KIF13A: variants seen among roughly 807,000 people sequenced by gnomAD.
KIF13A encodes the protein kinesin-like protein KIF13A.
In KIF13A, 79 loss-of-function variants were observed where a neutral mutation model predicts 212.2. The observed-to-expected ratio is 0.37, with a 90% CI of 0.31 to 0.45. The LOEUF (loss-of-function observed/expected upper bound fraction) is 0.45. Among genes scored for constraint, KIF13A ranks in the 20% least tolerant of loss-of-function variants. KIF13A has a pLI of 1.00. For synonymous variants in KIF13A, 789 were observed against 808.6 expected (o/e 0.98, Z 0.41); for missense variants, 1,901 against 2,209.0 (o/e 0.86, Z 2.79).
At chr6:17,970,565 T>C (rs182995543) in intron 2 of KIF13A, among the ~76,000 whole-genome samples, 22 of 152,316 alleles carry the variant, frequency 1.4e-4, no homozygotes, top group Non-Finnish European at 2.2e-4. Flanking sequence ...AATTACCAGG[T>C]AGTTTTCTTT....
Position 17,771,063 on chromosome 6 carries a change from G to C in KIF13A, c.4581+51C>G. 1.7e-6 allele frequency: 2 copies of C among 1,162,142 alleles called. No individual in the cohort carries two copies. The highest frequency in any genetic ancestry group is 2.5e-6 in the Non-Finnish European group (2 of 786,410). The allele number at this position is 1,162,142 out of a possible 1,614,324, so 72.0% of individuals were successfully genotyped here. A position where few individuals can be genotyped will look rare whatever the true frequency, so the allele number is the denominator to read the frequency against. ...GCATTTGGATGATTGTCTGTGAAAGGGCCTTAAACCCACCACCAGGCAATA... is the reference window on the plus strand; with the variant it reads ...GCATTTGGATGATTGTCTGTGAAAGCGCCTTAAACCCACCACCAGGCAATA... On this transcript the variant is annotated intron_variant, in intron 38 of 38. Transcript: ENST00000259711. This position sits in a 1 kb window ranked among gnomAD's most constrained non-coding sequence, Gnocchi z 5.4.
In KIF13A at chr6:17,963,881, A is replaced by G. The variant is rs1480096016; in HGVS notation, c.146+23173T>C. Among the ~76,000 whole-genome samples, 1 of 152,188 alleles carries G rather than the reference A, an allele frequency of 6.6e-6. No homozygotes were observed. Among genetic ancestry groups the G allele is most frequent in the Non-Finnish European group, 1.5e-5 (1 of 68,028 alleles). Reference sequence around the variant, plus strand: ...ATATGTTCTATATCTTAATGGTGATAGTGGTTAATCAGGCATATGCAACTG... The same window carrying G: ...ATATGTTCTATATCTTAATGGTGATGGTGGTTAATCAGGCATATGCAACTG... On this transcript the variant is annotated intron_variant, in intron 2 of 38. Coordinates refer to ENST00000259711, the MANE Select transcript of KIF13A (RefSeq NM_022113.6). This position sits in a 1 kb window ranked among gnomAD's most constrained non-coding sequence, Gnocchi z 4.1.
At chr6:17,937,867 G>C (rs2150549262) in intron 2 of KIF13A, among the ~76,000 whole-genome samples, 2 of 151,902 alleles carry the variant, frequency 1.3e-5, no homozygotes, top group Non-Finnish European at 2.9e-5. Context: ...TCCTGCCTCA[G>C]CCTCTCAAGT....
chr6:17,945,996 C>G (rs901064336), intron 2 of KIF13A, among the ~76,000 whole-genome samples: 1 of 152,052 alleles, frequency 6.6e-6, no homozygotes, highest in African/African-American at 2.4e-5. Context: ...CTACTTCATA[C>G]TGTTTAAAAA....
At position 17,773,786 on chromosome 6, in the gene KIF13A, G is replaced by A. The variant is rs1347948667; in HGVS notation, c.4219-203C>T. Among the ~76,000 whole-genome samples, 1 of 152,076 alleles carries A rather than the reference G, an allele frequency of 6.6e-6. No homozygotes were observed. Among genetic ancestry groups the A allele is most frequent in the African/African-American group, 2.4e-5 (1 of 41,402 alleles). ...CAAGGTATACCCGGAGTGAATACAT[G>A]TTAATATTTTATTATATTTGCTCAA... On this transcript the variant is annotated intron_variant, in intron 35 of 38. Transcript: ENST00000259711. This position sits in a 1 kb window ranked among gnomAD's most constrained non-coding sequence, Gnocchi z 4.2.
rs1761903783 is a variant in KIF13A at position 17,794,939 on chromosome 6, T to C, written c.2943-235A>G. 2.1e-6 allele frequency: 1 copy of C among 466,040 alleles called. No individual in the cohort carries two copies. Among genetic ancestry groups the C allele is most frequent in the Non-Finnish European group, 3.8e-6 (1 of 266,130 alleles). 28.9% of individuals were successfully genotyped at this position (466,040 alleles called of 1,614,324 possible). On this transcript the variant is annotated intron_variant, in intron 23 of 38. Transcript: ENST00000259711. This position sits in a 1 kb window ranked among gnomAD's most constrained non-coding sequence, Gnocchi z 4.1. ...TCTTGAGTATAGAGCTCGATGAGTT[T>C]TGAGAAATGCACATATGAGTGTAAC...
rs960313193 is a variant in KIF13A, at chr6:17,856,823, T to C, written c.221-701A>G. Among the ~76,000 whole-genome samples the C allele has an allele frequency of 2.0e-4, 30 of 152,362 alleles. 1 individual carries two copies. The highest frequency in any genetic ancestry group is 1.6e-3 in the Admixed American group (24 of 15,306). The stretch of plus-strand genomic sequence containing the variant: ...TGCTACCCTTTGAATTTGGTGATTT[T>C]CTAATATTCATTCTGTATCACTAAG... On this transcript the variant is annotated intron_variant, in intron 4 of 38. Coordinates refer to ENST00000259711, the MANE Select transcript of KIF13A (RefSeq NM_022113.6). This position sits in a 1 kb window ranked among gnomAD's most constrained non-coding sequence, Gnocchi z 4.5.
Position 17,900,964 on chromosome 6 carries a change from G to A in KIF13A, c.147-2784C>T, listed in dbSNP as rs1244888242. On this transcript the variant is annotated intron_variant, in intron 2 of 38. Coordinates refer to ENST00000259711, the MANE Select transcript of KIF13A (RefSeq NM_022113.6). This position sits in a 1 kb window ranked among gnomAD's most constrained non-coding sequence, Gnocchi z 4.6. ...GTGGTGGCGGGTGCCTGTAGTCCCA[G>A]CTACTTGGGAGGCTGAGGCAGGAGA... 1.3e-5 allele frequency among the ~76,000 whole-genome samples: 2 copies of A among 151,714 alleles called. No individual in the cohort carries two copies. The highest frequency in any genetic ancestry group is 6.6e-5 in the Admixed American group (1 of 15,182).
In KIF13A at chr6:17,839,321, A is replaced by C. The variant is rs1034805836; in HGVS notation, c.831-1738T>G. Among the ~76,000 whole-genome samples, 1 of 152,214 alleles carries C rather than the reference A, an allele frequency of 6.6e-6. No homozygotes were observed. Among genetic ancestry groups the C allele is most frequent in the African/African-American group, 2.4e-5 (1 of 41,460 alleles). ...CTAACCCAAGAGAAGTGAAAACATA[A>C]GTCTACACAGAAACTTGTACATGAA... On this transcript the variant is annotated intron_variant, in intron 9 of 38. Coordinates refer to ENST00000259711, the MANE Select transcript of KIF13A (RefSeq NM_022113.6). The surrounding 1 kb of genome is among the most constrained non-coding windows in gnomAD (Gnocchi z 4.3).
At chr6:17,891,482 T>C (rs1204419857) in intron 3 of KIF13A, among the ~76,000 whole-genome samples, 2 of 152,140 alleles carry the variant, frequency 1.3e-5, no homozygotes, top group Admixed American at 6.5e-5. Context: ...GAAAAAATAA[T>C]TTTTAAGAGT....
Position 17,810,332 on chromosome 6 carries a change from G to A in KIF13A, c.2001-1402C>T, listed in dbSNP as rs947981787. Among the ~76,000 whole-genome samples the A allele has an allele frequency of 3.7e-4, 56 of 152,096 alleles. 2 individuals are homozygous for A. The highest frequency in any genetic ancestry group is 1.2e-3 in the African/African-American group (51 of 41,412). On this transcript the variant is annotated intron_variant, in intron 17 of 38. Coordinates refer to ENST00000259711, the MANE Select transcript of KIF13A (RefSeq NM_022113.6). ...CCCTGCCTTCCTCAGGCCGTTCCTC[G>A]GCTCAAGGCCTTGCAGGGCTCCTCT...
intron 11 of KIF13A, among the ~76,000 whole-genome samples, chr6:17,835,228 A>AAAAAAAAAAAAAAAAAAC (rs1765836684): frequency 7.5e-6 from 1 of 132,814 alleles, no homozygotes; most frequent in Admixed American, 8.1e-5. Flanking sequence ...AAAAAAAAAA[A>AAAAAAAAAAAAAAAAAAC]AAAAAAAAAA....
At chr6:17,957,731 C>T (rs1474619092) in intron 2 of KIF13A, among the ~76,000 whole-genome samples, 1 of 152,150 alleles carries the variant, frequency 6.6e-6, no homozygotes, top group Admixed American at 6.5e-5. Context: ...TGGGGGAAAA[C>T]CCCAAGACAT....
intron 20 of KIF13A, among the ~76,000 whole-genome samples, chr6:17,801,994 T>A (rs1762507858): frequency 6.6e-6 from 1 of 152,216 alleles, no homozygotes; most frequent in African/African-American, 2.4e-5. Flanking sequence ...AAATTTGCAT[T>A]CTTGGAGTGC....
chr6:17,942,307 A>G (rs1777021786), intron 2 of KIF13A, among the ~76,000 whole-genome samples: 1 of 148,748 alleles, frequency 6.7e-6, no homozygotes, highest in African/African-American at 2.5e-5. Context: ...TCTTGAAGAA[A>G]CAAAACACAA....
intron 3 of KIF13A, among the ~76,000 whole-genome samples, chr6:17,880,198 T>C (rs1770929242): frequency 6.6e-6 from 1 of 152,176 alleles, no homozygotes; most frequent in African/African-American, 2.4e-5. Context: ...TCAAGTGATC[T>C]TCCTGCTTTG....
intron 3 of KIF13A, among the ~76,000 whole-genome samples, chr6:17,894,543 C>T (rs540263250): frequency 2.4e-4 from 36 of 151,992 alleles, no homozygotes; most frequent in African/African-American, 6.0e-4. Context: ...CAAAAAACTT[C>T]GGCAGATAGT....
chr6:17,826,609 A>G lies in KIF13A; in HGVS notation c.1533-485T>C, dbSNP rs1207952902. 2.0e-5 allele frequency among the ~76,000 whole-genome samples: 3 copies of G among 152,132 alleles called. No individual in the cohort carries two copies. Among genetic ancestry groups the G allele is most frequent in the Non-Finnish European group, 2.9e-5 (2 of 68,022 alleles). On this transcript the variant is annotated intron_variant, in intron 14 of 38. Coordinates refer to ENST00000259711, the MANE Select transcript of KIF13A (RefSeq NM_022113.6). This position sits in a 1 kb window ranked among gnomAD's most constrained non-coding sequence, Gnocchi z 4.7. ...GACAGGGATAAACAGACACACACAC[A>G]CACAGAAGAGAGGAAGAGGAAACCC...
intron 25 of KIF13A, among the ~76,000 whole-genome samples, chr6:17,793,894 C>T (rs1323888749): frequency 1.3e-5 from 2 of 151,264 alleles, no homozygotes; most frequent in East Asian, 3.9e-4. Context: ...AACCTGGCAA[C>T]AAAGCAAAAC....
Sources: allele counts gnomAD v4.1 joint callset (sites outside exome capture counted in the v4.1 genomes callset), GRCh38; gene constraint gnomAD v4.1.1; non-coding constraint Gnocchi (gnomAD v3.1); transcripts MANE v1.5; gene names NCBI Gene and HGNC (gene_info 2026-07-23, HGNC 2026-07-21).